The following KATNIP variants were observed in gnomAD, a reference collection of about 807,000 sequenced individuals.
KATNIP encodes katanin interacting protein, also known as katanin-interacting protein.
A neutral mutation model predicts 174.0 loss-of-function variants in KATNIP; 126 were observed. The ratio of observed to expected loss-of-function variants is 0.72; its 90% confidence interval spans 0.63 to 0.84. KATNIP has a LOEUF of 0.84. Ranked by LOEUF, KATNIP falls within the 40% of genes least tolerant of loss-of-function variation. KATNIP has a pLI of 0.00. For synonymous variants in KATNIP, 810 were observed against 835.7 expected (o/e 0.97, Z 0.53); for missense variants, 1,958 against 2,109.7 (o/e 0.93, Z 1.41).
chr16:27,667,744 C>T (rs1295471970), intron 6 of KATNIP, among the ~76,000 whole-genome samples: 1 of 152,146 alleles, frequency 6.6e-6, no homozygotes, highest in Admixed American at 6.6e-5. Flanking sequence ...ATAAAAGATG[C>T]CATCATCAAA....
intron 1 of KATNIP, among the ~76,000 whole-genome samples, chr16:27,566,375 C>A (rs541388853): frequency 6.6e-6 from 1 of 152,192 alleles, no homozygotes; most frequent in South Asian, 2.1e-4. Flanking sequence ...CCAGTCTCTA[C>A]TAATTCAAAA....
At chr16:27,720,564 A>G (rs922470147) in intron 13 of KATNIP, among the ~76,000 whole-genome samples, 6 of 140,144 alleles carry the variant, frequency 4.3e-5, no homozygotes, top group Non-Finnish European at 9.0e-5. Flanking sequence ...AGGATTCTGG[A>G]ATAACCAGAC....
chr16:27,778,112 T>G, intron 27 of KATNIP, 143 bp downstream of exon 27: 1 of 696,732 alleles, frequency 1.4e-6, no homozygotes, highest in East Asian at 2.7e-5. Flanking sequence ...CCCAAAGGCC[T>G]AGGGAGGGAC....
At chr16:27,677,521 TA>T in intron 6 of KATNIP, among the ~76,000 whole-genome samples, 1 of 151,938 alleles carries the variant, frequency 6.6e-6, no homozygotes, top group Non-Finnish European at 1.5e-5. Flanking sequence ...CAGTTAATAT[TA>T]ACAACATTGC....
Position 27,749,910 on chromosome 16 carries a change from A to G in KATNIP, c.2950A>G (p.Thr984Ala), listed in dbSNP as rs771335572. Residue 984 changes from threonine (T) to alanine (A), a missense_variant, in exon 16 of 28, where the codon ACC becomes GCC. Transcript: ENST00000261588. Reference protein sequence around the residue: ...GQRLVIDIKSTWGDRHYVGLN... With the variant: ...GQRLVIDIKSAWGDRHYVGLN... ...GCGCTTGGTCATTGACATCAAGTCT[A>G]CCTGGGGGGACAGACACTATGTCGG... is the stretch of plus-strand genomic sequence containing the variant. 2 of 1,614,162 alleles carry G rather than the reference A, an allele frequency of 1.2e-6. No individual in the cohort carries two copies. Among genetic ancestry groups the G allele is most frequent in the Non-Finnish European group, 8.5e-7 (1 of 1,180,030 alleles).
rs565477249 is a variant in KATNIP at position 27,730,478 on chromosome 16, C to A, written c.1743+8783C>A. On this transcript the variant is annotated intron_variant, in intron 14 of 27. Coordinates refer to ENST00000261588, the MANE Select transcript of KATNIP (RefSeq NM_015202.5). ...ATGTGTTTGCATTGGTGACTTCCAC[C>A]ACTCCCTGACCCCAAAATCTGGCTC... Among the ~76,000 whole-genome samples, 36 of 152,194 alleles carry A rather than the reference C, an allele frequency of 2.4e-4. 1 individual carries two copies. The Middle Eastern group carries it at 0.01, about 43-fold the overall frequency.
At chr16:27,754,073 T>C (rs1465460439) in intron 17 of KATNIP, 100 bp from the exon 18 acceptor site, 2 of 927,762 alleles carry the variant, frequency 2.2e-6, no homozygotes, top group East Asian at 4.8e-5. Context: ...TACCTGGGCA[T>C]AGGGTGGGCA....
rs773182744 is a variant in KATNIP, at chr16:27,665,606, A to AT, written c.541-12108dup. On this transcript the variant is annotated intron_variant, in intron 6 of 27. Coordinates refer to ENST00000261588, the MANE Select transcript of KATNIP (RefSeq NM_015202.5). ...AATATACCATGTCTGTGTTTTTATT[A>AT]TTTTTTTTTTTTTTTGAGACAGGAC... Among the ~76,000 whole-genome samples the AT allele has an allele frequency of 8.5e-3, 1,179 of 138,258 alleles. 6 individuals carry two copies. Among genetic ancestry groups the AT allele is most frequent in the African/African-American group, 0.013 (498 of 37,982 alleles). 90.7% of individuals were successfully genotyped at this position (138,258 alleles called of 152,430 possible). A position where few individuals can be genotyped will look rare whatever the true frequency, so the allele number is the denominator to read the frequency against.
Position 27,677,986 on chromosome 16 carries a change from A to T in KATNIP, c.798A>T (p.Pro266=). 1 of 1,613,718 alleles carries T rather than the reference A, an allele frequency of 6.2e-7. No individual in the cohort carries two copies. The highest frequency in any genetic ancestry group is 8.5e-7 in the Non-Finnish European group (1 of 1,179,620). ...PDTLVVLEFN[P]ASKSHKRERN... is the part of the protein sequence containing the mutation. ...CCCTCGTGGTGCTGGAATTTAACCC[A>T]GCTTCCAAAAGTGAGCTCTGTCTTG... Residue 266 remains proline (P), a synonymous_variant, in exon 7 of 28, where the codon CCA becomes CCT. Coordinates refer to ENST00000261588, the MANE Select transcript of KATNIP (RefSeq NM_015202.5).
chr16:27,645,658 G>A (rs780603170), intron 5 of KATNIP, among the ~76,000 whole-genome samples: 14 of 152,312 alleles, frequency 9.2e-5, no homozygotes, highest in East Asian at 1.9e-4. Context: ...TCTCTGTTGC[G>A]CTGGGCCATC....
chr16:27,655,176 G>T (rs1309846260), intron 6 of KATNIP, among the ~76,000 whole-genome samples: 1 of 50,150 alleles, frequency 2.0e-5, no homozygotes, highest in Admixed American at 3.7e-4. Context: ...CCCCTAGAAT[G>T]GATATATATA....
At chr16:27,666,510 C>T (rs999258967) in intron 6 of KATNIP, among the ~76,000 whole-genome samples, 8 of 152,034 alleles carry the variant, frequency 5.3e-5, no homozygotes, top group Admixed American at 2.0e-4. Flanking sequence ...TTCTGCCTCC[C>T]GGGTTCAAGC....
At chr16:27,703,089 C>T (rs1187025031) in intron 11 of KATNIP, among the ~76,000 whole-genome samples, 1 of 152,094 alleles carries the variant, frequency 6.6e-6, no homozygotes, top group Admixed American at 6.5e-5. Context: ...ATTGCTTGAA[C>T]CCCAGAGGCA....
chr16:27,736,346 C>T (rs554950597), intron 14 of KATNIP, among the ~76,000 whole-genome samples: 20 of 152,224 alleles, frequency 1.3e-4, no homozygotes, highest in Non-Finnish European at 2.2e-4. Flanking sequence ...TTGGACAAGA[C>T]GGGCAGGGCT....
intron 6 of KATNIP, among the ~76,000 whole-genome samples, chr16:27,669,095 C>T (rs1328736454): frequency 3.3e-5 from 5 of 152,168 alleles, no homozygotes. Flanking sequence ...CAAGTAGTAG[C>T]TATTGTTTTT....
At chr16:27,768,926 A>T (rs868242155) in intron 20 of KATNIP, among the ~76,000 whole-genome samples, 2 of 152,222 alleles carry the variant, frequency 1.3e-5, no homozygotes, top group Non-Finnish European at 1.5e-5. Context: ...CTGACCACGA[A>T]TGTGGGCTAA....
intron 8 of KATNIP, among the ~76,000 whole-genome samples, chr16:27,688,526 G>A (rs980377546): frequency 1.3e-5 from 2 of 152,168 alleles, no homozygotes; most frequent in Non-Finnish European, 2.9e-5. Flanking sequence ...GGGAGGCAGA[G>A]GTTGCAGTGA....
rs1034720054 is a variant in KATNIP, at chr16:27,776,749, T to G, written c.4450-179T>G. 4 of 608,390 alleles carry G rather than the reference T, an allele frequency of 6.6e-6. No individual in the cohort carries two copies. The highest frequency in any genetic ancestry group is 1.2e-5 in the Non-Finnish European group (4 of 338,652). The allele number at this position is 608,390 out of a possible 1,614,324, so 37.7% of individuals were successfully genotyped here. A position where few individuals can be genotyped will look rare whatever the true frequency, so the allele number is the denominator to read the frequency against. On this transcript the variant is annotated intron_variant, in intron 24 of 27. Transcript: ENST00000261588. This position sits in a 1 kb window ranked among gnomAD's most constrained non-coding sequence, Gnocchi z 4.7. ...GGTTTGTTGCAAATGCAGCCACACGTGACCTGACTCAAGATGGGCTTCGAG... is the reference window on the plus strand; with the variant it reads ...GGTTTGTTGCAAATGCAGCCACACGGGACCTGACTCAAGATGGGCTTCGAG...
rs143863745 is a variant in KATNIP, at chr16:27,576,322, C to T, written c.63+2366C>T. Among the ~76,000 whole-genome samples the T allele has an allele frequency of 4.6e-5, 7 of 152,266 alleles. No individual in the cohort carries two copies. In the East Asian group the frequency reaches 1.3e-3, roughly 29 times the overall value. ...TTGTAGTGAGAAACAGAGAGTGAAG[C>T]TGTTTATCACAATACCCAGGCTTAA... On this transcript the variant is annotated intron_variant, in intron 2 of 27. Coordinates refer to ENST00000261588, the MANE Select transcript of KATNIP (RefSeq NM_015202.5).
Sources: allele counts gnomAD v4.1 joint callset (sites outside exome capture counted in the v4.1 genomes callset), GRCh38; gene constraint gnomAD v4.1.1; non-coding constraint Gnocchi (gnomAD v3.1); transcripts MANE v1.5; gene names NCBI Gene and HGNC (gene_info 2026-07-23, HGNC 2026-07-21).